CORO2B: variants seen among roughly 807,000 people sequenced by gnomAD.
The protein encoded by CORO2B is coronin 2B.
In CORO2B, 26 loss-of-function variants were observed where a neutral mutation model predicts 58.8. The observed-to-expected ratio is 0.44, with a 90% confidence interval of 0.32 to 0.61. The LOEUF (loss-of-function observed/expected upper bound fraction) is 0.61, where lower values mean the gene tolerates loss of function less well. Among genes scored for constraint, CORO2B ranks in the 20% least tolerant of loss-of-function variants. The pLI is 0.04. For missense variants in CORO2B, 460 were observed against 645.1 expected, an observed-to-expected ratio of 0.71 and a Z score of 3.11; for synonymous variants, 242 against 253.8, an observed-to-expected ratio of 0.95 and a Z score of 0.44.
At chr15:68,533,252 A>G in the CORO2B span, among the ~76,000 whole-genome samples, 1 of 152,094 alleles carries the variant, frequency 6.6e-6, no homozygotes, top group Non-Finnish European at 1.5e-5. Context: ...ATTATTTAAT[A>G]TATTTCAATC....
At chr15:68,702,167 G>A (rs895447575) in intron 3 of CORO2B, among the ~76,000 whole-genome samples, 2 of 152,124 alleles carry the variant, frequency 1.3e-5, no homozygotes, top group Non-Finnish European at 2.9e-5. Flanking sequence ...GAGAGGAGGA[G>A]GGTAGTCTGC....
upstream of CORO2B, among the ~76,000 whole-genome samples, chr15:68,574,867 C>G (rs189551246): frequency 6.6e-6 from 1 of 152,304 alleles, no homozygotes; most frequent in Non-Finnish European, 1.5e-5. Flanking sequence ...GTTCGCCATG[C>G]TGAGAAAGAG....
chr15:68,547,449 C>A, the CORO2B span, among the ~76,000 whole-genome samples: 1 of 152,306 alleles, frequency 6.6e-6, no homozygotes, highest in African/African-American at 2.4e-5. Context: ...CTATCATCTA[C>A]AATGATAGTT....
chr15:68,604,522 C>T (rs116763226), intron 1 of CORO2B, among the ~76,000 whole-genome samples: 2,655 of 151,060 alleles, frequency 0.018, 88 homozygotes, highest in African/African-American at 0.061. Flanking sequence ...TTTTAAAAGG[C>T]GACTTTATCT....
the CORO2B span, among the ~76,000 whole-genome samples, chr15:68,534,618 A>G: frequency 6.6e-6 from 1 of 152,198 alleles, no homozygotes; most frequent in East Asian, 1.9e-4. Flanking sequence ...CTTTGAAAAC[A>G]CGCTGAAGGG....
chr15:68,607,611 A>G (rs1900158006), intron 1 of CORO2B, among the ~76,000 whole-genome samples: 1 of 152,106 alleles, frequency 6.6e-6, no homozygotes, highest in Non-Finnish European at 1.5e-5. Flanking sequence ...TGAAGCCAGG[A>G]GTTTGAGACC....
intron 2 of CORO2B, among the ~76,000 whole-genome samples, chr15:68,655,694 A>G (rs1481161713): frequency 6.6e-6 from 1 of 152,192 alleles, no homozygotes; most frequent in Non-Finnish European, 1.5e-5. Flanking sequence ...GGTGAGATTT[A>G]AGGAGACCAA....
At position 68,645,119 on chromosome 15, in the gene CORO2B, C is replaced by T; in HGVS notation, c.16-41C>T. 1.3e-6 allele frequency: 2 copies of T among 1,597,554 alleles called. No individual in the cohort carries two copies. The highest frequency in any genetic ancestry group is 1.7e-4 in the Middle Eastern group (1 of 6,016). ...AGCCCAGCCGAGGCCCTTCATGGCACAGGGCCCAGCCTGACCCTTGTCTCT... is the reference window on the plus strand; with the variant it reads ...AGCCCAGCCGAGGCCCTTCATGGCATAGGGCCCAGCCTGACCCTTGTCTCT... On this transcript the variant is annotated intron_variant, in intron 1 of 11. Coordinates refer to ENST00000261861, the MANE Select transcript of CORO2B (RefSeq NM_006091.5). This position sits in a 1 kb window ranked among gnomAD's most constrained non-coding sequence, Gnocchi z 4.5.
intron 2 of CORO2B, among the ~76,000 whole-genome samples, chr15:68,682,418 C>T (rs541837724): frequency 6.6e-6 from 1 of 152,064 alleles, no homozygotes; most frequent in East Asian, 1.9e-4. Flanking sequence ...TCAGAGGCCT[C>T]TGGGAATCCT....
At position 68,719,203 on chromosome 15, in the gene CORO2B, C is replaced by T. The variant is rs1393368789; in HGVS notation, c.1140C>T (p.Thr380=). 1 of 1,614,052 alleles carries T rather than the reference C, an allele frequency of 6.2e-7. No homozygotes were observed. The highest frequency in any genetic ancestry group is 8.5e-7 in the Non-Finnish European group (1 of 1,180,000). Residue 380 remains threonine, a synonymous_variant, in exon 10 of 12, where the codon ACC becomes ACT. Coordinates refer to ENST00000261861, the MANE Select transcript of CORO2B (RefSeq NM_006091.5). The part of the protein sequence containing the change: ...PMTPGTEPAL[T]PDEWLGGINR... ...CACCAGGCACGGAGCCAGCACTGAC[C>T]CCGGATGAATGGCTGGGAGGCATCA...
In CORO2B at chr15:68,677,334, G is replaced by A. The variant is rs888242066; in HGVS notation, c.217-17806G>A. 1.4e-4 allele frequency among the ~76,000 whole-genome samples: 22 copies of A among 152,154 alleles called. 1 individual carries two copies. Among genetic ancestry groups the A allele is most frequent in the African/African-American group, 4.3e-4 (18 of 41,420 alleles). The stretch of plus-strand genomic sequence containing the variant: ...ATTCCAGAACCTCAAAGGTCACCCC[G>A]CACAAAGCCCCATTGTACAGATGAT... On this transcript the variant is annotated intron_variant, in intron 2 of 11. Coordinates refer to ENST00000261861, the MANE Select transcript of CORO2B (RefSeq NM_006091.5).
intron 1 of CORO2B, among the ~76,000 whole-genome samples, chr15:68,636,831 C>T (rs1198171902): frequency 1.3e-5 from 2 of 152,180 alleles, no homozygotes; most frequent in Non-Finnish European, 2.9e-5. Flanking sequence ...TGTCTTTTCT[C>T]CCAGTGCTGT....
chr15:68,688,082 T>C (rs1903047358), intron 2 of CORO2B, among the ~76,000 whole-genome samples: 1 of 152,260 alleles, frequency 6.6e-6, no homozygotes. Flanking sequence ...ACAAAAGCTT[T>C]TGAAACTTGC....
At position 68,718,629 on chromosome 15, in the gene CORO2B, C is replaced by T; in HGVS notation, c.968-69C>T. ...CCTCAGCCTTTCCCCTGGCCCAGAA[C>T]ATCATGGGGTGATGTCACTGAGACG... On this transcript the variant is annotated intron_variant, in intron 8 of 11. Coordinates refer to ENST00000261861, the MANE Select transcript of CORO2B (RefSeq NM_006091.5). 3.0e-6 allele frequency: 4 copies of T among 1,334,446 alleles called. No individual in the cohort carries two copies. In the Admixed American group the frequency reaches 5.5e-5, roughly 18 times the overall value. The allele number at this position is 1,334,446 out of a possible 1,614,324, so 82.7% of individuals were successfully genotyped here. A position where few individuals can be genotyped will look rare whatever the true frequency, so the allele number is the denominator to read the frequency against.
intron 3 of CORO2B, among the ~76,000 whole-genome samples, chr15:68,696,845 A>G (rs1301414538): frequency 6.6e-6 from 1 of 152,228 alleles, no homozygotes; most frequent in Non-Finnish European, 1.5e-5. Flanking sequence ...TTCCCAGGCA[A>G]AGGAAAATCC....
chr15:68,721,576 C>T (rs1012144728), intron 11 of CORO2B, among the ~76,000 whole-genome samples: 8 of 151,942 alleles, frequency 5.3e-5, no homozygotes, highest in Non-Finnish European at 2.9e-5. Context: ...CGTGGTGGTG[C>T]GCGCCTGTAA....
At chr15:68,595,802 C>A (rs1899811258) in intron 1 of CORO2B, among the ~76,000 whole-genome samples, 1 of 152,186 alleles carries the variant, frequency 6.6e-6, no homozygotes, top group East Asian at 1.9e-4. Flanking sequence ...GGCAGACGGG[C>A]AAACAAATAC....
the CORO2B span, among the ~76,000 whole-genome samples, chr15:68,540,722 T>A: frequency 6.6e-6 from 1 of 152,182 alleles, no homozygotes; most frequent in Admixed American, 6.5e-5. Flanking sequence ...TCAAGAACAT[T>A]CTTAAGTAAA....
chr15:68,686,406 C>G (rs1342097486), intron 2 of CORO2B, among the ~76,000 whole-genome samples: 1 of 152,080 alleles, frequency 6.6e-6, no homozygotes, highest in Non-Finnish European at 1.5e-5. Flanking sequence ...GAAACAGAAG[C>G]CAGCATAGCA....
Sources: allele counts gnomAD v4.1 joint callset (sites outside exome capture counted in the v4.1 genomes callset), GRCh38; gene constraint gnomAD v4.1.1; non-coding constraint Gnocchi (gnomAD v3.1); transcripts MANE v1.5; gene names NCBI Gene and HGNC (gene_info 2026-07-23, HGNC 2026-07-21).